SLCO1C1: variants seen among roughly 807,000 people sequenced by gnomAD.
SLCO1C1 encodes solute carrier organic anion transporter family member 1C1.
A neutral mutation model predicts 76.4 loss-of-function variants in SLCO1C1; 70 were observed. That is an observed-to-expected ratio of 0.92 (90% CI 0.76 to 1.12). The LOEUF is 1.12. Ranked by LOEUF, SLCO1C1 falls within the 50% of genes most tolerant of loss-of-function variation. The pLI, the probability that SLCO1C1 is intolerant of heterozygous loss-of-function variation, is 0.00. For missense variants in SLCO1C1, 912 were observed against 823.8 expected, an observed-to-expected ratio of 1.11 and a Z score of -1.31; for synonymous variants, 306 against 286.1, an observed-to-expected ratio of 1.07 and a Z score of -0.70.
At chr12:20,724,415 A>G (rs1445710766) in intron 9 of SLCO1C1, among the ~76,000 whole-genome samples, 157 of 79,904 alleles carry the variant, frequency 2.0e-3, no homozygotes, top group Non-Finnish European at 3.0e-3. Context: ...GTGTGTGTAT[A>G]TATATATATA....
chr12:20,748,184 T>C (rs560394857), intron 13 of SLCO1C1, among the ~76,000 whole-genome samples: 24 of 152,354 alleles, frequency 1.6e-4, no homozygotes, highest in Non-Finnish European at 2.4e-4. Context: ...CATTAGGTGA[T>C]ATATCTCTAA....
chr12:20,740,783 T>TATATATATATATATATATATATATA lies in SLCO1C1; in HGVS notation c.1733+415_1733+416insATATATATATATATATATATATATA, dbSNP rs1406774430. Among the ~76,000 whole-genome samples the TATATATATATATATATATATATATA allele has an allele frequency of 3.7e-5, 2 of 53,996 alleles. 1 individual carries two copies. Among genetic ancestry groups the TATATATATATATATATATATATATA allele is most frequent in the Non-Finnish European group, 6.1e-5 (2 of 33,008 alleles). The allele number at this position is 53,996 out of a possible 152,430, so 35.4% of individuals were successfully genotyped here. A position where few individuals can be genotyped will look rare whatever the true frequency, so the allele number is the denominator to read the frequency against. On this transcript the variant is annotated intron_variant, in intron 12 of 14. Coordinates refer to ENST00000266509, the MANE Select transcript of SLCO1C1 (RefSeq NM_017435.5). ...TAATACAACAATGTTAGAATTTATT[T>TATATATATATATATATATATATATA]TATTTATATATATATATATATATAT...
intron 6 of SLCO1C1, among the ~76,000 whole-genome samples, chr12:20,715,700 T>C (rs1040740003): frequency 6.6e-6 from 1 of 152,166 alleles, no homozygotes; most frequent in African/African-American, 2.4e-5. Flanking sequence ...TTCCATTTGA[T>C]AAGCCCTGAT....
intron 9 of SLCO1C1, among the ~76,000 whole-genome samples, chr12:20,724,411 G>A (rs11045412): frequency 0.029 from 2,559 of 87,438 alleles, 19 homozygotes; most frequent in African/African-American, 0.045. Context: ...GTGTGTGTGT[G>A]TATATATATA....
At chr12:20,724,338 AAC>A (rs1480472850) in intron 9 of SLCO1C1, among the ~76,000 whole-genome samples, 7 of 149,552 alleles carry the variant, frequency 4.7e-5, no homozygotes, top group Middle Eastern at 3.5e-3. Flanking sequence ...ATAACTTATC[AAC>A]AGTTAAGTCT....
In SLCO1C1 at chr12:20,706,079, G is replaced by A. The variant is rs1285448031; in HGVS notation, c.402G>A (p.Glu134=). The A allele has an allele frequency of 2.5e-6, 4 of 1,610,826 alleles. No homozygotes were observed. The highest frequency in any genetic ancestry group is 8.5e-7 in the Non-Finnish European group (1 of 1,178,360). Residue 134 remains glutamate (E), a splice_region_variant and synonymous_variant, in exon 4 of 15, where the codon GAG becomes GAA. Transcript: ENST00000266509. ...LLIAMPQFFM[E]QYKYERYSPS... ...TTGCAATGCCTCAGTTCTTCATGGA[G>A]CAGTAAGTCTAAAGCAATCATCTTT...
chr12:20,745,670 C>G (rs1324856776), intron 13 of SLCO1C1, among the ~76,000 whole-genome samples: 2 of 151,602 alleles, frequency 1.3e-5, no homozygotes, highest in Non-Finnish European at 1.5e-5. Flanking sequence ...ACTAAAAACA[C>G]AAAAATTAGC....
chr12:20,708,426 A>C (rs1946892572), intron 4 of SLCO1C1, among the ~76,000 whole-genome samples: 1 of 152,224 alleles, frequency 6.6e-6, no homozygotes, highest in Non-Finnish European at 1.5e-5. Context: ...AGATAAATAC[A>C]GTATGTCAGA....
rs148414684 is a variant in SLCO1C1 at position 20,714,927 on chromosome 12, T to G, written c.530-212T>G. 1.5e-4 allele frequency among the ~76,000 whole-genome samples: 23 copies of G among 152,268 alleles called. 3 individuals are homozygous for G. Among genetic ancestry groups the G allele is most frequent in the African/African-American group, 5.5e-4 (23 of 41,548 alleles). On this transcript the variant is annotated intron_variant, in intron 5 of 14. Transcript: ENST00000266509. ...GATCAGGAACAAGAAGCAATAAAGT[T>G]CCTTGGTGAAGTCTCTTGGGGATTT... is the stretch of plus-strand genomic sequence containing the variant.
intron 12 of SLCO1C1, among the ~76,000 whole-genome samples, chr12:20,740,805 A>AAAGC (rs1948779022): frequency 1.6e-5 from 2 of 128,518 alleles, no homozygotes; most frequent in Non-Finnish European, 3.3e-5. Flanking sequence ...ATATATATAT[A>AAAGC]TATATATATA....
chr12:20,720,563 T>C (rs923716240), intron 7 of SLCO1C1, among the ~76,000 whole-genome samples: 24 of 152,192 alleles, frequency 1.6e-4, no homozygotes, highest in African/African-American at 5.8e-4. Context: ...GTGAAAGAAA[T>C]TGATTTCAGC....
intron 4 of SLCO1C1, among the ~76,000 whole-genome samples, chr12:20,706,820 A>G (rs1280341167): frequency 6.6e-6 from 1 of 152,182 alleles, no homozygotes; most frequent in Non-Finnish European, 1.5e-5. Flanking sequence ...AGCAGTTTTC[A>G]TACATATCCA....
chr12:20,702,132 A>G (rs1306236041), intron 3 of SLCO1C1, among the ~76,000 whole-genome samples: 1 of 151,900 alleles, frequency 6.6e-6, no homozygotes, highest in Admixed American at 6.6e-5. Flanking sequence ...AAAAGGCTTT[A>G]ATTTTTTGCT....
rs1565492212 is a variant in SLCO1C1 at position 20,695,717 on chromosome 12, C to T, written c.-116C>T. ...TTGTTCAAAATTGCTGTGGAGTTTA[C>T]CTCAGTTTCCTCTTTCAGTCTGTGG... is the stretch of plus-strand genomic sequence containing the variant. On this transcript the variant is annotated 5_prime_UTR_variant, in exon 1 of 15. Transcript: ENST00000266509. The T allele has an allele frequency of 2.0e-5, 3 of 152,110 alleles. No individual in the cohort carries two copies. Among genetic ancestry groups the T allele is most frequent in the Admixed American group, 6.6e-5 (1 of 15,258 alleles). 9.4% of individuals were successfully genotyped at this position (152,110 alleles called of 1,614,324 possible).
chr12:20,719,334 T>C (rs988277773), intron 7 of SLCO1C1, among the ~76,000 whole-genome samples: 3 of 152,108 alleles, frequency 2.0e-5, no homozygotes, highest in Non-Finnish European at 2.9e-5. Context: ...ATATTGAAAT[T>C]AGGCCAATTA....
At chr12:20,706,703 G>A (rs566266296) in intron 4 of SLCO1C1, among the ~76,000 whole-genome samples, 2 of 152,224 alleles carry the variant, frequency 1.3e-5, no homozygotes, top group South Asian at 2.1e-4. Flanking sequence ...TTACTTTAGA[G>A]CTAAGGACAG....
At position 20,736,152 on chromosome 12, in the gene SLCO1C1, C is replaced by A. The variant is rs10734708; in HGVS notation, c.1383-955C>A. Among the ~76,000 whole-genome samples the A allele has an allele frequency of 6.3e-3, 956 of 151,370 alleles. 9 individuals are homozygous for A. Among genetic ancestry groups the A allele is most frequent in the African/African-American group, 0.022 (900 of 41,086 alleles). On this transcript the variant is annotated intron_variant, in intron 10 of 14. Coordinates refer to ENST00000266509, the MANE Select transcript of SLCO1C1 (RefSeq NM_017435.5). ...GAGAAGAGTAGAGGAATATGAATAG[C>A]AAAAAAAAGGATAAAAGCAGAAGGA... is the stretch of plus-strand genomic sequence containing the variant.
chr12:20,732,790 A>T, intron 9 of SLCO1C1, 119 bp from the exon 10 acceptor site: 1 of 1,011,838 alleles, frequency 9.9e-7, no homozygotes, highest in South Asian at 1.6e-5. Flanking sequence ...ATATGTCAGT[A>T]GATGATAGTG....
chr12:20,724,401 G>C (rs1947830057), intron 9 of SLCO1C1, among the ~76,000 whole-genome samples: 1 of 21,650 alleles, frequency 4.6e-5, no homozygotes, highest in African/African-American at 1.4e-4. Context: ...TAATGTGTGT[G>C]TGTGTGTGTG....
Sources: gnomAD v4.1 joint callset for allele counts (sites outside exome capture counted in the v4.1 genomes callset) on GRCh38, gnomAD v4.1.1 for gene constraint, MANE v1.5 for transcripts, NCBI Gene and HGNC (gene_info 2026-07-23, HGNC 2026-07-21) for gene names.